RIMS2: variants seen among roughly 807,000 people sequenced by gnomAD.
The protein encoded by RIMS2 is regulating synaptic membrane exocytosis 2, also known as regulating synaptic membrane exocytosis protein 2.
In RIMS2, 59 loss-of-function variants were observed where a neutral mutation model predicts 174.4. The ratio of observed to expected loss-of-function variants is 0.34; its 90% CI spans 0.27 to 0.42. The LOEUF (loss-of-function observed/expected upper bound fraction) is 0.42. Among genes scored for constraint, RIMS2 ranks in the 10% least tolerant of loss-of-function variants. The pLI, the probability that RIMS2 is intolerant of heterozygous loss-of-function variation, is 1.00. For missense variants in RIMS2, 1,620 were observed against 1,666.3 expected (o/e 0.97, Z 0.48); for synonymous variants, 606 against 572.5 (o/e 1.06, Z -0.84).
At chr8:103,930,252 C>T (rs967809612) in intron 11 of RIMS2, among the ~76,000 whole-genome samples, 6 of 151,848 alleles carry the variant, frequency 4.0e-5, no homozygotes, top group Non-Finnish European at 7.4e-5. Context: ...AAAAGTTGCT[C>T]GGTGTCTCAT....
intron 1 of RIMS2, among the ~76,000 whole-genome samples, chr8:103,669,504 G>C (rs1363067168): frequency 6.6e-6 from 1 of 152,136 alleles, no homozygotes; most frequent in African/African-American, 2.4e-5. Context: ...TTGAGACAAG[G>C]CAAGTCCCTT....
At chr8:104,225,752 G>T (rs2099183796) in intron 19 of RIMS2, among the ~76,000 whole-genome samples, 1 of 152,102 alleles carries the variant, frequency 6.6e-6, no homozygotes. Flanking sequence ...TTCTTAAGCT[G>T]CCAAGACAAA....
intron 4 of RIMS2, among the ~76,000 whole-genome samples, chr8:103,894,747 T>C (rs962256885): frequency 6.6e-6 from 1 of 151,588 alleles, no homozygotes; most frequent in Non-Finnish European, 1.5e-5. Context: ...TATTTTAAGT[T>C]TCATCAATAA....
chr8:103,774,446 T>C (rs1239597134), intron 3 of RIMS2, among the ~76,000 whole-genome samples: 2 of 152,182 alleles, frequency 1.3e-5, no homozygotes, highest in Admixed American at 1.3e-4. Flanking sequence ...AACAGGAGAA[T>C]GGATAAACAA....
At chr8:103,861,964 G>T (rs1041468606) in intron 3 of RIMS2, among the ~76,000 whole-genome samples, 5 of 152,030 alleles carry the variant, frequency 3.3e-5, no homozygotes, top group African/African-American at 1.2e-4. Context: ...TTCTTTTGCT[G>T]TGCAGCAGCT....
intron 1 of RIMS2, among the ~76,000 whole-genome samples, chr8:103,514,553 CTT>C (rs1329517968): frequency 6.6e-6 from 1 of 152,114 alleles, no homozygotes; most frequent in Non-Finnish European, 1.5e-5. Context: ...GTTATGAAAA[CTT>C]TAAATTTTTT....
intron 3 of RIMS2, among the ~76,000 whole-genome samples, chr8:103,800,224 T>A (rs1480759337): frequency 6.6e-6 from 1 of 150,968 alleles, no homozygotes; most frequent in African/African-American, 2.4e-5. Flanking sequence ...CACACTGTAA[T>A]TTTTTTTTTA....
At chr8:104,194,079 G>C (rs1028986886) in intron 19 of RIMS2, among the ~76,000 whole-genome samples, 1 of 152,056 alleles carries the variant, frequency 6.6e-6, no homozygotes, top group Non-Finnish European at 1.5e-5. Context: ...CAATGGCTAC[G>C]TTATTTTTCA....
rs941332814 is a variant in RIMS2 at position 103,604,138 on chromosome 8, C to A, written c.177-92948C>A. 3.4e-4 allele frequency among the ~76,000 whole-genome samples: 51 copies of A among 149,454 alleles called. 1 individual carries two copies. The South Asian group carries it at 7.8e-3, about 23-fold the overall frequency. ...AGGGTTTTTCTGGTTTTAGGTCTAA[C>A]GTTTAAGTCTTTAATCCATCTTGAA... On this transcript the variant is annotated intron_variant, in intron 1 of 23. Coordinates refer to ENST00000504942, the Ensembl canonical transcript of RIMS2.
intron 1 of RIMS2, among the ~76,000 whole-genome samples, chr8:103,565,867 A>G (rs904257030): frequency 3.3e-5 from 5 of 152,166 alleles, no homozygotes; most frequent in African/African-American, 7.2e-5. Context: ...AGTAGAAAGT[A>G]TTTTTTGTCA....
intron 3 of RIMS2, among the ~76,000 whole-genome samples, chr8:103,846,567 G>A (rs1012627003): frequency 1.2e-4 from 18 of 152,238 alleles, no homozygotes; most frequent in Admixed American, 3.3e-4. Context: ...GGGATACTAT[G>A]TGCAATTAGC....
chr8:103,644,130 C>T (rs148696053), intron 1 of RIMS2, among the ~76,000 whole-genome samples: 43 of 151,508 alleles, frequency 2.8e-4, no homozygotes, highest in Non-Finnish European at 3.8e-4. Flanking sequence ...TGTTGGCACC[C>T]GTAAGACTGA....
At chr8:103,786,311 A>G (rs1457799245) in intron 3 of RIMS2, among the ~76,000 whole-genome samples, 5 of 152,198 alleles carry the variant, frequency 3.3e-5, no homozygotes, top group Admixed American at 6.5e-5. Flanking sequence ...GCCTTCTGCT[A>G]GCTTTTGAAT....
chr8:103,509,614 A>C (rs1461607488), intron 1 of RIMS2, among the ~76,000 whole-genome samples: 2 of 152,146 alleles, frequency 1.3e-5, no homozygotes, highest in South Asian at 2.1e-4. Flanking sequence ...AATTTCAGAA[A>C]GTGCTTGTAT....
Position 103,603,502 on chromosome 8 carries a change from G to T in RIMS2, c.177-93584G>T, listed in dbSNP as rs576357398. On this transcript the variant is annotated intron_variant, in intron 1 of 23. Transcript: ENST00000504942. ...TAGCAGCATGATTTAGAGTTCTTTG[G>T]GTATATACCCAGTAATGGGATGGCT... Among the ~76,000 whole-genome samples, 342 of 151,794 alleles carry T rather than the reference G, an allele frequency of 2.3e-3. 2 individuals are homozygous for T. Among genetic ancestry groups the T allele is most frequent in the Non-Finnish European group, 3.8e-3 (258 of 67,964 alleles).
At chr8:103,863,476 G>A (rs2099069025) in intron 3 of RIMS2, among the ~76,000 whole-genome samples, 1 of 152,084 alleles carries the variant, frequency 6.6e-6, no homozygotes, top group Admixed American at 6.6e-5. Flanking sequence ...AGTTAGGGAG[G>A]TGCTACTCCT....
At chr8:103,759,164 C>T (rs1216439631) in intron 2 of RIMS2, among the ~76,000 whole-genome samples, 5 of 152,116 alleles carry the variant, frequency 3.3e-5, no homozygotes, top group African/African-American at 9.7e-5. Flanking sequence ...ATCTTTTACT[C>T]TTATTATTAT....
intron 19 of RIMS2, among the ~76,000 whole-genome samples, chr8:104,037,930 T>C (rs554390245): frequency 1.8e-4 from 27 of 152,260 alleles, no homozygotes; most frequent in African/African-American, 6.5e-4. Context: ...TTTCTATGTT[T>C]GGATATACAA....
intron 1 of RIMS2, among the ~76,000 whole-genome samples, chr8:103,569,884 C>T (rs886513720): frequency 5.3e-5 from 8 of 151,748 alleles, no homozygotes; most frequent in Non-Finnish European, 1.0e-4. Flanking sequence ...CCTACTGCCT[C>T]AGCTTCCCGA....
Sources: allele counts gnomAD v4.1 joint callset (sites outside exome capture counted in the v4.1 genomes callset), GRCh38; gene constraint gnomAD v4.1.1; transcripts MANE v1.5; gene names NCBI Gene and HGNC (gene_info 2026-07-23, HGNC 2026-07-21).